THTPA: variants seen among roughly 807,000 people sequenced by gnomAD.
THTPA encodes the protein thiamine triphosphatase, also known as thiamine-triphosphatase.
THTPA carries 16 observed loss-of-function variants against 16.5 expected under a neutral mutation model. The ratio of observed to expected loss-of-function variants is 0.97; its 90% CI spans 0.66 to 1.47. The LOEUF (loss-of-function observed/expected upper bound fraction) is 1.47. THTPA is among the 40% of genes most tolerant of loss of function. THTPA has a pLI of 0.00. For missense variants in THTPA, 281 were observed against 280.9 expected (o/e 1.00, Z 0.00); for synonymous variants, 110 against 115.5 (o/e 0.95, Z 0.30).
chr14:23,554,312 C>T (rs755646641), upstream of THTPA, among the ~76,000 whole-genome samples: 5 of 152,168 alleles, frequency 3.3e-5, no homozygotes, highest in African/African-American at 4.8e-5. Context: ...CTCTCCCTAA[C>T]CAACAGTGCT....
At chr14:23,530,691 A>T in the THTPA span, 1 of 342,012 alleles carries the variant, frequency 2.9e-6, no homozygotes, top group East Asian at 8.0e-5. Flanking sequence ...TTAAAGTGTT[A>T]AAGTTCCTTA....
the THTPA span, chr14:23,524,291 C>T: frequency 1.7e-5 from 26 of 1,536,200 alleles, 1 homozygote; most frequent in South Asian, 3.0e-4. This position sits in a 1 kb window ranked among gnomAD's most constrained non-coding sequence, Gnocchi z 5.6. Flanking sequence ...GAGCATCTTG[C>T]GTGTTGGGTT....
At chr14:23,540,940 C>T in the THTPA span, among the ~76,000 whole-genome samples, 1 of 151,706 alleles carries the variant, frequency 6.6e-6, no homozygotes, top group East Asian at 1.9e-4. Flanking sequence ...GAGTCTCGCT[C>T]TGTCACCCAG....
At chr14:23,523,603 G>A in the THTPA span, 1 of 1,555,458 alleles carries the variant, frequency 6.4e-7, no homozygotes, top group South Asian at 1.2e-5. This position sits in a 1 kb window ranked among gnomAD's most constrained non-coding sequence, Gnocchi z 4.1. Flanking sequence ...GAGCATTCTG[G>A]AACCAGACCT....
the THTPA span, chr14:23,533,581 C>A: frequency 6.5e-7 from 1 of 1,536,590 alleles, no homozygotes; most frequent in Non-Finnish European, 8.7e-7. This position sits in a 1 kb window ranked among gnomAD's most constrained non-coding sequence, Gnocchi z 4.8. Context: ...GCGCAGGTTA[C>A]GGGAGATGTT....
chr14:23,528,852 C>T, the THTPA span: 2 of 984,960 alleles, frequency 2.0e-6, no homozygotes, highest in Non-Finnish European at 1.2e-6. Flanking sequence ...CAGACCTACC[C>T]AGCCTGCATC....
At chr14:23,540,683 A>G in the THTPA span, among the ~76,000 whole-genome samples, 1 of 152,204 alleles carries the variant, frequency 6.6e-6, no homozygotes, top group Non-Finnish European at 1.5e-5. Context: ...CAACTCTGGG[A>G]AATTACGTAT....
At chr14:23,522,392 C>G in the THTPA span, 1 of 1,536,208 alleles carries the variant, frequency 6.5e-7, no homozygotes, top group African/African-American at 1.4e-5. Context: ...ATCAACCTCA[C>G]CAGCTTCCCC....
At chr14:23,526,881 C>G in the THTPA span, 18 of 1,533,910 alleles carry the variant, frequency 1.2e-5, no homozygotes, top group Non-Finnish European at 1.6e-5. Flanking sequence ...TAGGCTCTGG[C>G]CCATGAGTGG....
chr14:23,558,273 A>G (rs575224997), intron 1 of THTPA, among the ~76,000 whole-genome samples: 6 of 152,182 alleles, frequency 3.9e-5, no homozygotes, highest in Admixed American at 6.5e-5. Context: ...TCTTCTTTCT[A>G]TAGCTCTTGG....
the THTPA span, chr14:23,522,750 T>C: frequency 6.5e-7 from 1 of 1,536,468 alleles, no homozygotes; most frequent in Non-Finnish European, 8.7e-7. Flanking sequence ...TTTCGCTCAC[T>C]GGAGACCTTG....
chr14:23,541,278 A>G, the THTPA span, among the ~76,000 whole-genome samples: 2 of 148,716 alleles, frequency 1.3e-5, no homozygotes, highest in Non-Finnish European at 3.0e-5. Flanking sequence ...AGAATCTTAG[A>G]TGGACAGGAT....
chr14:23,523,258 T>G, the THTPA span: 3 of 1,435,970 alleles, frequency 2.1e-6, no homozygotes, highest in Admixed American at 2.9e-5. The surrounding 1 kb of genome is among the most constrained non-coding windows in gnomAD (Gnocchi z 4.1). Flanking sequence ...CTGGGCCAGA[T>G]AAGAGGACCG....
rs1595225938 is a variant in THTPA at position 23,559,154 on chromosome 14, A to C, written c.*314A>C. 2 of 284,908 alleles carry C rather than the reference A, an allele frequency of 7.0e-6. No homozygotes were observed. The highest frequency in any genetic ancestry group is 5.6e-5 in the South Asian group (1 of 17,808). 17.6% of individuals were successfully genotyped at this position (284,908 alleles called of 1,614,324 possible). On this transcript the variant is annotated 3_prime_UTR_variant, in exon 2 of 2. Transcript: ENST00000288014. ...GTTAAGCACAGGAAAATCCCTTGCC[A>C]CCCCCCCTCCCTTGGTCGATGCCAT...
the THTPA span, chr14:23,513,790 G>A: frequency 6.5e-6 from 1 of 152,960 alleles, no homozygotes; most frequent in Non-Finnish European, 1.5e-5. Flanking sequence ...CCAGGAAGCA[G>A]GGAGGAGGGG....
At chr14:23,540,410 C>T in the THTPA span, among the ~76,000 whole-genome samples, 1 of 152,194 alleles carries the variant, frequency 6.6e-6, no homozygotes, top group African/African-American at 2.4e-5. Context: ...AGGCATTGCA[C>T]CCTTCCATAC....
At chr14:23,522,919 G>A in the THTPA span, 3 of 1,448,632 alleles carry the variant, frequency 2.1e-6, no homozygotes, top group Non-Finnish European at 2.7e-6. Flanking sequence ...CGAGGCCGAG[G>A]AGGCCTGAGG....
upstream of THTPA, among the ~76,000 whole-genome samples, chr14:23,554,486 G>T (rs1280207778): frequency 6.6e-6 from 1 of 151,776 alleles, no homozygotes. Flanking sequence ...AAGCTATCCC[G>T]CTGCCTCAAC....
chr14:23,550,547 G>A, the THTPA span, among the ~76,000 whole-genome samples: 2 of 152,200 alleles, frequency 1.3e-5, no homozygotes, highest in African/African-American at 4.8e-5. Flanking sequence ...GAAGAGACAA[G>A]ATGAAGAACA....
Sources: allele counts gnomAD v4.1 joint callset (sites outside exome capture counted in the v4.1 genomes callset), GRCh38; gene constraint gnomAD v4.1.1; non-coding constraint Gnocchi (gnomAD v3.1); transcripts MANE v1.5; gene names NCBI Gene and HGNC (gene_info 2026-07-23, HGNC 2026-07-21).